The following TNFRSF11A variants were observed in gnomAD, a reference collection of about 807,000 sequenced individuals.
TNFRSF11A encodes tumor necrosis factor receptor superfamily member 11A.
A neutral mutation model predicts 55.7 loss-of-function variants in TNFRSF11A; 32 were observed. The ratio of observed to expected loss-of-function variants is 0.57; its 90% CI spans 0.43 to 0.77. TNFRSF11A has a LOEUF of 0.77. Among genes scored for constraint, TNFRSF11A ranks in the 30% least tolerant of loss-of-function variants. The pLI is 0.00. For missense variants in TNFRSF11A, 753 were observed against 809.8 expected (o/e 0.93, Z 0.85); for synonymous variants, 311 against 331.0 (o/e 0.94, Z 0.65).
intron 4 of TNFRSF11A, chr18:62,357,880 A>T: frequency 3.3e-6 from 1 of 298,962 alleles, no homozygotes; most frequent in South Asian, 3.5e-5. Flanking sequence ...AGCAGTCAAC[A>T]TCGGCTCCCA....
intron 3 of TNFRSF11A, among the ~76,000 whole-genome samples, chr18:62,350,148 G>T (rs993639902): frequency 6.6e-6 from 1 of 152,178 alleles, no homozygotes. Context: ...ATATATTTAT[G>T]TTGCCATTTA....
rs1261525845 is a variant in TNFRSF11A, at chr18:62,325,885, G to T, written c.75+458G>T. 6.6e-6 allele frequency among the ~76,000 whole-genome samples: 1 copy of T among 152,166 alleles called. No individual in the cohort carries two copies. The highest frequency in any genetic ancestry group is 1.5e-5 in the Non-Finnish European group (1 of 68,006). On this transcript the variant is annotated intron_variant, in intron 1 of 9. Coordinates refer to ENST00000586569, the MANE Select transcript of TNFRSF11A (RefSeq NM_003839.4). The surrounding 1 kb of genome is among the most constrained non-coding windows in gnomAD (Gnocchi z 4.7). ...CCCGGAAAGAGACATGATTCCCTCC[G>T]TCCCTGAACTGCGGGCTTGCCTTTG...
At chr18:62,338,159 CAAACA>C in intron 1 of TNFRSF11A, among the ~76,000 whole-genome samples, 1 of 152,258 alleles carries the variant, frequency 6.6e-6, no homozygotes, top group East Asian at 1.9e-4. Context: ...AACCAAAAAC[CAAACA>C]AAACCAGAAA....
intron 1 of TNFRSF11A, among the ~76,000 whole-genome samples, chr18:62,341,835 G>GTTTTTTTTTTTTT (rs1568475429): frequency 2.9e-5 from 2 of 68,850 alleles, no homozygotes; most frequent in Non-Finnish European, 5.0e-5. Context: ...GCTGAGAATG[G>GTTTTTTTTTTTTT]CTTTTTTTTT....
intron 9 of TNFRSF11A, among the ~76,000 whole-genome samples, chr18:62,373,604 T>TC (rs1238610168): frequency 6.6e-6 from 1 of 152,190 alleles, no homozygotes; most frequent in African/African-American, 2.4e-5. Context: ...TCCTGTTTGT[T>TC]CCCCCAAGTC....
chr18:62,330,288 G>T (rs1410705204), intron 1 of TNFRSF11A, among the ~76,000 whole-genome samples: 1 of 152,222 alleles, frequency 6.6e-6, no homozygotes, highest in Non-Finnish European at 1.5e-5. Context: ...TCACCTGAAA[G>T]TGTCAGAGAG....
intron 9 of TNFRSF11A, among the ~76,000 whole-genome samples, chr18:62,372,597 G>A (rs773369336): frequency 6.6e-6 from 1 of 151,986 alleles, no homozygotes; most frequent in East Asian, 1.9e-4. Flanking sequence ...GAGTTTTGGG[G>A]TATGACTGAT....
chr18:62,326,825 T>C (rs1344805560), intron 1 of TNFRSF11A, among the ~76,000 whole-genome samples: 1 of 152,208 alleles, frequency 6.6e-6, no homozygotes, highest in Admixed American at 6.5e-5. Flanking sequence ...TTTCCAATTC[T>C]AGGGGAGCGA....
chr18:62,348,078 A>T, intron 1 of TNFRSF11A, 90 bp from the exon 2 acceptor site: 1 of 986,946 alleles, frequency 1.0e-6, no homozygotes, highest in Non-Finnish European at 1.6e-6. Context: ...AAAAAAAAAA[A>T]AGTAATTTGG....
At chr18:62,371,236 AGCCAGGTCCTG>A (rs1252094253) in intron 9 of TNFRSF11A, among the ~76,000 whole-genome samples, 1 of 152,240 alleles carries the variant, frequency 6.6e-6, no homozygotes, top group Non-Finnish European at 1.5e-5. Context: ...CTCTGGCAGC[AGCCAGGTCCTG>A]GCCACACTGT....
At chr18:62,336,033 C>T (rs375844263) in intron 1 of TNFRSF11A, among the ~76,000 whole-genome samples, 25 of 152,258 alleles carry the variant, frequency 1.6e-4, no homozygotes, top group African/African-American at 5.8e-4. Flanking sequence ...GTAGATATTT[C>T]ACTAGGGCCA....
rs1568484397 is a variant in TNFRSF11A at position 62,358,312 on chromosome 18, C to T, written c.492C>T (p.Ser164=). 1 of 1,612,304 alleles carries T rather than the reference C, an allele frequency of 6.2e-7. No homozygotes were observed. The highest frequency in any genetic ancestry group is 8.5e-7 in the Non-Finnish European group (1 of 1,179,184). Residue 164 remains serine, a synonymous_variant, in exon 5 of 10, where the codon TCC becomes TCT. Coordinates refer to ENST00000586569, the MANE Select transcript of TNFRSF11A (RefSeq NM_003839.4). ...CAGGCTACTTCTCTGATGCCTTTTC[C>T]TCCACGGACAAATGCAGACCCTGGA... ...CLAGYFSDAF[S]STDKCRPWTN... is the part of the protein sequence containing the mutation.
Position 62,354,397 on chromosome 18 carries a change from C to T in TNFRSF11A, c.290C>T (p.Ala97Val). 6.3e-7 allele frequency: 1 copy of T among 1,580,868 alleles called. No individual in the cohort carries two copies. The highest frequency in any genetic ancestry group is 8.6e-7 in the Non-Finnish European group (1 of 1,168,954). ...TGTCTCTTGTCTCCCGCAGGCAAGG[C>T]CCTGGTGGCCGTGGTCGCCGGCAAC... is the stretch of plus-strand genomic sequence containing the variant. ...LLHKVCDTGK[A>V]LVAVVAGNST... The change falls in exon 4 of 10, where the codon GCC becomes GTC. Residue 97 changes from alanine to valine, a missense_variant. Physicochemically the swap from Ala to Val is moderately conservative, Grantham distance 64. This residue lies in a region of TNFRSF11A where 156 missense variants were observed against 155.1 expected (regional missense o/e 1.01). Coordinates refer to ENST00000586569, the MANE Select transcript of TNFRSF11A (RefSeq NM_003839.4).
rs962728452 is a variant in TNFRSF11A, at chr18:62,383,005, T to C, written c.1568-1746T>C. On this transcript the variant is annotated intron_variant, in intron 9 of 9. Transcript: ENST00000586569. This position sits in a 1 kb window ranked among gnomAD's most constrained non-coding sequence, Gnocchi z 4.2. ...TGGGAGCAGAAGGGCGTAGATACAGTGGTGAGCAGACCCTCACTGGAGTAC... is the reference window on the plus strand; with the variant it reads ...TGGGAGCAGAAGGGCGTAGATACAGCGGTGAGCAGACCCTCACTGGAGTAC... Among the ~76,000 whole-genome samples, 1 of 152,122 alleles carries C rather than the reference T, an allele frequency of 6.6e-6. No homozygotes were observed. Among genetic ancestry groups the C allele is most frequent in the Non-Finnish European group, 1.5e-5 (1 of 68,020 alleles).
At chr18:62,372,424 C>T (rs573428592) in intron 9 of TNFRSF11A, among the ~76,000 whole-genome samples, 1 of 151,532 alleles carries the variant, frequency 6.6e-6, no homozygotes, top group Non-Finnish European at 1.5e-5. Context: ...GTTTTGGCTC[C>T]TGAAGCCACT....
chr18:62,351,002 C>CTTTT (rs71160826), intron 3 of TNFRSF11A, among the ~76,000 whole-genome samples: 50 of 122,680 alleles, frequency 4.1e-4, no homozygotes, highest in Non-Finnish European at 6.1e-4. Context: ...TTTTTTCTTT[C>CTTTT]TTTTTTTTTT....
intron 8 of TNFRSF11A, among the ~76,000 whole-genome samples, chr18:62,367,037 A>G (rs771871428): frequency 7.2e-5 from 11 of 152,132 alleles, no homozygotes; most frequent in Non-Finnish European, 1.6e-4. Flanking sequence ...TTTAATAGAG[A>G]CAGGGCTTCA....
At position 62,391,085 on chromosome 18, in the gene TNFRSF11A, A is replaced by G. The variant is rs1057216361; in HGVS notation, c.*6051A>G. The G allele has an allele frequency of 2.6e-5, 4 of 152,090 alleles. No homozygotes were observed. The highest frequency in any genetic ancestry group is 9.7e-5 in the African/African-American group (4 of 41,400). 9.4% of individuals were successfully genotyped at this position (152,090 alleles called of 1,614,324 possible). A position where few individuals can be genotyped will look rare whatever the true frequency, so the allele number is the denominator to read the frequency against. On this transcript the variant is annotated 3_prime_UTR_variant, in exon 10 of 10. Transcript: ENST00000586569. ...TCTTCCCATAGTTTCACCTTTTCCA[A>G]TTTGTCGTGTAGAGTTACACAGCTC...
chr18:62,388,445 T>C lies in TNFRSF11A; in HGVS notation c.*3411T>C, dbSNP rs1911870196. On this transcript the variant is annotated 3_prime_UTR_variant, in exon 10 of 10. Coordinates refer to ENST00000586569, the MANE Select transcript of TNFRSF11A (RefSeq NM_003839.4). ...GATGGGGGAGCAGCATATCCCCCCA[T>C]GGGAAGAGTTGCGGAATGAGAGGGT... 6.6e-6 allele frequency: 1 copy of C among 152,276 alleles called. No individual in the cohort carries two copies. The highest frequency in any genetic ancestry group is 6.5e-5 in the Admixed American group (1 of 15,280). The allele number at this position is 152,276 out of a possible 1,614,324, so 9.4% of individuals were successfully genotyped here.
Sources: gnomAD v4.1 joint callset for allele counts (sites outside exome capture counted in the v4.1 genomes callset) on GRCh38, gnomAD v4.1.1 for gene constraint, gnomAD v4.1.1 regional missense constraint, Gnocchi (gnomAD v3.1) non-coding constraint, MANE v1.5 for transcripts, NCBI Gene and HGNC (gene_info 2026-07-23, HGNC 2026-07-21) for gene names.